Variants in NF1 observed in about 807,000 individuals in gnomAD.
NF1 encodes neurofibromin.
Under a neutral mutation model 325.7 loss-of-function variants are expected in NF1, and 122 were observed. The observed-to-expected ratio is 0.37, with a 90% CI of 0.32 to 0.44. The LOEUF is 0.44. Among genes scored for constraint, NF1 ranks in the 20% least tolerant of loss-of-function variants. The probability of loss-of-function intolerance (pLI) is 1.00; values close to 1 mark genes in which losing one functional copy is unlikely to be tolerated. For synonymous variants in NF1, 1,091 were observed against 1,186.0 expected, an observed-to-expected ratio of 0.92 and a Z score of 1.65; for missense variants, 2,140 against 3,415.4, an observed-to-expected ratio of 0.63 and a Z score of 9.31.
rs752162999 is a variant in NF1, at chr17:31,350,317, A to G, written c.7456A>G (p.Arg2486Gly). 3 of 1,611,722 alleles carry G rather than the reference A, an allele frequency of 1.9e-6. No individual in the cohort carries two copies. In the East Asian group the frequency reaches 6.7e-5, roughly 36 times the overall value. Residue 2486 changes from arginine to glycine, a missense_variant and splice_region_variant, in exon 50 of 58, where the codon AGG becomes GGG. Coordinates refer to ENST00000358273, the MANE Select transcript of NF1 (RefSeq NM_001042492.3). ...CATTCATCATGGTGACCCTTCCTATAGGTAAGTGGATTTACTCTCCTATAA... is the reference window on the plus strand; with the variant it reads ...CATTCATCATGGTGACCCTTCCTATGGGTAAGTGGATTTACTCTCCTATAA... The part of the protein sequence containing the change: ...YPIHHGDPSY[R>G]TLKETQPWSS...
intron 8 of NF1, among the ~76,000 whole-genome samples, chr17:31,198,855 G>A (rs1429046383): frequency 6.6e-6 from 1 of 152,122 alleles, no homozygotes; most frequent in East Asian, 1.9e-4. Context: ...CTGACCTCAA[G>A]TGATTCGCCT....
chr17:31,326,099 G>C lies in NF1; in HGVS notation c.5115G>C (p.Arg1705Ser), dbSNP rs749669269. 5 of 1,613,522 alleles carry C rather than the reference G, an allele frequency of 3.1e-6. No individual in the cohort carries two copies. The highest frequency in any genetic ancestry group is 3.3e-5 in the Admixed American group (2 of 59,936). ...RLLTGLKGSK[R>S]LVFIDCPGKL... ...TGACTGGCCTCAAAGGTAGCAAAAGGCTTGTTTTCATAGACTGTCCTGGGA... is the reference window on the plus strand; with the variant it reads ...TGACTGGCCTCAAAGGTAGCAAAAGCCTTGTTTTCATAGACTGTCCTGGGA... The change falls in exon 37 of 58, where the codon AGG becomes AGC. Residue 1705 changes from arginine (R) to serine (S), a missense_variant. By Grantham distance (110) the Arg-to-Ser change is moderately radical. Transcript: ENST00000358273.
chr17:31,258,175 G>A (rs1396095820), intron 31 of NF1, among the ~76,000 whole-genome samples, 169 bp from the exon 32 acceptor site: 1 of 152,020 alleles, frequency 6.6e-6, no homozygotes, highest in East Asian at 1.9e-4. Flanking sequence ...AGAATTGAGA[G>A]GAAACTTTAT....
At chr17:31,261,945 A>G in intron 35 of NF1, 88 bp downstream of exon 35, 2 of 1,300,890 alleles carry the variant, frequency 1.5e-6, no homozygotes, top group Non-Finnish European at 2.2e-6. Context: ...ATATGATAGA[A>G]GACTATGAGG....
intron 36 of NF1, chr17:31,296,493 A>G (rs1297621663): frequency 1.7e-5 from 12 of 710,336 alleles, no homozygotes; most frequent in South Asian, 1.4e-4. Context: ...GCTCCCCTTC[A>G]TTTATAGTCC....
chr17:31,362,294 C>G, intron 57 of NF1: 1 of 985,366 alleles, frequency 1.0e-6, no homozygotes, highest in South Asian at 4.7e-5. Context: ...ACAGATACTG[C>G]AGCCACTGAA....
At chr17:31,363,711 C>G (rs928602590) in intron 57 of NF1, among the ~76,000 whole-genome samples, 1 of 151,440 alleles carries the variant, frequency 6.6e-6, no homozygotes, top group Non-Finnish European at 1.5e-5. Context: ...GCTGGGATTA[C>G]AGGCGTGAGC....
intron 4 of NF1, 98 bp from the exon 5 acceptor site, chr17:31,169,793 G>C: frequency 1.2e-6 from 1 of 811,304 alleles, no homozygotes; most frequent in East Asian, 2.6e-5. Context: ...TGGTCCTCCT[G>C]CCTTGGCCTC....
intron 34 of NF1, 150 bp downstream of exon 34, chr17:31,260,665 A>G (rs2151465194): frequency 9.6e-7 from 1 of 1,045,708 alleles, no homozygotes; most frequent in Non-Finnish European, 1.4e-6. Context: ...TTTCAAAAAA[A>G]TACAAACAAA....
intron 48 of NF1, among the ~76,000 whole-genome samples, chr17:31,345,319 G>A (rs888038347): frequency 2.0e-5 from 3 of 152,032 alleles, no homozygotes; most frequent in Non-Finnish European, 4.4e-5. Flanking sequence ...TTTGTATTCC[G>A]CCTGCGACTC....
chr17:31,289,281 A>G (rs1214510718), intron 36 of NF1, among the ~76,000 whole-genome samples: 1 of 152,026 alleles, frequency 6.6e-6, no homozygotes, highest in Non-Finnish European at 1.5e-5. Context: ...TTAAGATGAT[A>G]CTCTAAAGGG....
At position 31,229,475 on chromosome 17, in the gene NF1, TC is replaced by T; in HGVS notation, c.2850+11del. 1 of 1,612,210 alleles carries T rather than the reference TC, an allele frequency of 6.2e-7. No homozygotes were observed. The highest frequency in any genetic ancestry group is 8.5e-7 in the Non-Finnish European group (1 of 1,178,404). On this transcript the variant is annotated intron_variant, in intron 21 of 57. Coordinates refer to ENST00000358273, the MANE Select transcript of NF1 (RefSeq NM_001042492.3). ...TGACTCCCAAGGACAGGTAAAGTGT[TC>T]TCTTATTTTTCACCTTTCTCTATGA...
At chr17:31,260,057 G>C (rs1386947409) in intron 33 of NF1, among the ~76,000 whole-genome samples, 1 of 152,142 alleles carries the variant, frequency 6.6e-6, no homozygotes, top group Non-Finnish European at 1.5e-5. Context: ...ATATCTTTGG[G>C]GAGGTCTTTC....
chr17:31,256,386 G>T (rs1469764937), intron 31 of NF1, among the ~76,000 whole-genome samples: 1 of 152,120 alleles, frequency 6.6e-6, no homozygotes, highest in African/African-American at 2.4e-5. Flanking sequence ...TGATCTGCCC[G>T]CCTCGGCCTC....
intron 35 of NF1, among the ~76,000 whole-genome samples, chr17:31,263,107 G>GTAGGTAGA (rs1285413042): frequency 1.2e-4 from 7 of 60,120 alleles, no homozygotes; most frequent in African/African-American, 2.4e-4. Context: ...AGGTAGGTAG[G>GTAGGTAGA]TAGATAGATA....
intron 29 of NF1, among the ~76,000 whole-genome samples, chr17:31,245,519 C>T (rs1441437438): frequency 6.6e-6 from 1 of 152,236 alleles, no homozygotes; most frequent in Admixed American, 6.5e-5. Flanking sequence ...GTTACCTGTG[C>T]TTCTCACAAC....
chr17:31,125,370 T>C (rs1914792536), intron 1 of NF1, among the ~76,000 whole-genome samples: 2 of 151,970 alleles, frequency 1.3e-5, no homozygotes, highest in Admixed American at 1.3e-4. Context: ...GTTTCTAGTT[T>C]TTTGCTATTA....
chr17:31,300,276 T>A lies in NF1; in HGVS notation c.4836-25544T>A, dbSNP rs143675190. 9.5e-3 allele frequency among the ~76,000 whole-genome samples: 1,441 copies of A among 152,144 alleles called. 23 individuals are homozygous for A. The highest frequency in any genetic ancestry group is 0.033 in the African/African-American group (1,357 of 41,528). Reference sequence around the variant, plus strand: ...GTCTTTTCCATCCTATTTCCTTCCTTCTGCTATTAGTAACTGTTTTTATTA... The same window carrying A: ...GTCTTTTCCATCCTATTTCCTTCCTACTGCTATTAGTAACTGTTTTTATTA... On this transcript the variant is annotated intron_variant, in intron 36 of 57. Transcript: ENST00000358273.
chr17:31,357,153 G>T (rs1183090491), intron 53 of NF1, 63 bp downstream of exon 53: 1 of 1,605,650 alleles, frequency 6.2e-7, no homozygotes, highest in Non-Finnish European at 8.5e-7. Flanking sequence ...ACTTTTAGGA[G>T]GCCCTTAAAT....
Sources: allele counts gnomAD v4.1 joint callset (sites outside exome capture counted in the v4.1 genomes callset), GRCh38; gene constraint gnomAD v4.1.1; transcripts MANE v1.5; gene names NCBI Gene and HGNC (gene_info 2026-07-23, HGNC 2026-07-21).